Variants in TENM3 observed in about 807,000 individuals in gnomAD.
TENM3 encodes the protein teneurin transmembrane protein 3, also known as teneurin-3.
TENM3 carries 63 observed loss-of-function variants against 255.1 expected under a neutral mutation model. That is an observed-to-expected ratio of 0.25 (90% CI 0.20 to 0.30). The LOEUF is 0.30. Among genes scored for constraint, TENM3 ranks in the 10% least tolerant of loss-of-function variants. TENM3 has a pLI of 1.00. For synonymous variants in TENM3, 1,306 were observed against 1,322.3 expected (o/e 0.99, Z 0.27); for missense variants, 2,929 against 3,461.1 (o/e 0.85, Z 3.86).
chr4:182,775,188 G>A (rs1340850068), intron 24 of TENM3, 35 bp downstream of exon 24: 1 of 1,594,718 alleles, frequency 6.3e-7, no homozygotes, highest in African/African-American at 1.3e-5. Context: ...GATAGCTGCA[G>A]CCCTCTGATC....
At chr4:181,913,197 C>T in the TENM3 span, among the ~76,000 whole-genome samples, 15 of 152,080 alleles carry the variant, frequency 9.9e-5, no homozygotes, top group Non-Finnish European at 1.9e-4. Flanking sequence ...GCCATGTGCA[C>T]TAACGCAGAA....
chr4:182,681,598 G>C (rs889508625), intron 10 of TENM3, among the ~76,000 whole-genome samples: 1 of 152,152 alleles, frequency 6.6e-6, no homozygotes, highest in Non-Finnish European at 1.5e-5. Flanking sequence ...ACAAATCCTT[G>C]CAAGAGTCTC....
the TENM3 span, among the ~76,000 whole-genome samples, chr4:181,773,744 T>C: frequency 4.6e-5 from 7 of 152,192 alleles, no homozygotes; most frequent in Non-Finnish European, 8.8e-5. Flanking sequence ...ATTTTTATTC[T>C]ATTAGGTTGT....
chr4:181,673,457 G>T, the TENM3 span, among the ~76,000 whole-genome samples: 3 of 152,038 alleles, frequency 2.0e-5, no homozygotes, highest in East Asian at 1.9e-4. Context: ...TTGGTGATAA[G>T]AATTATAATA....
intron 1 of TENM3, among the ~76,000 whole-genome samples, chr4:182,194,137 T>A (rs1446506211): frequency 6.6e-6 from 1 of 152,254 alleles, no homozygotes; most frequent in Non-Finnish European, 1.5e-5. Context: ...ATTCTACTTT[T>A]GCCCTGGTGT....
the TENM3 span, among the ~76,000 whole-genome samples, chr4:181,452,660 G>A: frequency 6.6e-6 from 1 of 152,152 alleles, no homozygotes; most frequent in Non-Finnish European, 1.5e-5. Context: ...TCTCAGGTAT[G>A]TCTTTATTAG....
At chr4:182,619,033 G>T (rs1749823417) in intron 4 of TENM3, among the ~76,000 whole-genome samples, 1 of 152,090 alleles carries the variant, frequency 6.6e-6, no homozygotes, top group African/African-American at 2.4e-5. Context: ...TTACTCAACA[G>T]TGACCTAGAA....
intron 3 of TENM3, among the ~76,000 whole-genome samples, chr4:182,586,569 T>C (rs1746038462): frequency 6.6e-6 from 1 of 152,198 alleles, no homozygotes; most frequent in African/African-American, 2.4e-5. Flanking sequence ...TATGGTAGCT[T>C]CATCTATGAT....
chr4:182,747,583 T>C (rs181138458), intron 19 of TENM3, among the ~76,000 whole-genome samples: 8 of 152,338 alleles, frequency 5.3e-5, no homozygotes, highest in African/African-American at 1.7e-4. Context: ...ACCTCATCCT[T>C]GTTCCAATTC....
chr4:181,538,171 G>GTTA, the TENM3 span, among the ~76,000 whole-genome samples: 1 of 151,094 alleles, frequency 6.6e-6, no homozygotes, highest in African/African-American at 2.5e-5. Context: ...TATTTCAAAT[G>GTTA]TTAAAAATGC....
At chr4:181,474,983 A>C in the TENM3 span, among the ~76,000 whole-genome samples, 2 of 152,180 alleles carry the variant, frequency 1.3e-5, no homozygotes, top group Non-Finnish European at 2.9e-5. Context: ...CTGTGCAATA[A>C]ATATCTTAAA....
the TENM3 span, chr4:181,523,102 T>G: frequency 2.1e-6 from 1 of 480,834 alleles, no homozygotes; most frequent in Non-Finnish European, 4.0e-6. Flanking sequence ...AAGGTCACTA[T>G]TTTGTTAGTT....
At chr4:181,776,563 C>T in the TENM3 span, among the ~76,000 whole-genome samples, 3 of 152,082 alleles carry the variant, frequency 2.0e-5, no homozygotes, top group Non-Finnish European at 4.4e-5. Flanking sequence ...CTTTTCTCTG[C>T]ATCCATCCTT....
At chr4:182,107,467 G>A in the TENM3 span, among the ~76,000 whole-genome samples, 5 of 152,164 alleles carry the variant, frequency 3.3e-5, no homozygotes, top group African/African-American at 1.2e-4. Flanking sequence ...CTTTTCTCAG[G>A]ATGTTGCATT....
At chr4:181,765,130 A>G in the TENM3 span, among the ~76,000 whole-genome samples, 4 of 152,374 alleles carry the variant, frequency 2.6e-5, no homozygotes, top group Middle Eastern at 3.4e-3. Context: ...TATTTGATTC[A>G]GAAAGATGTA....
chr4:181,997,871 G>T, the TENM3 span, among the ~76,000 whole-genome samples: 31,258 of 152,034 alleles, frequency 0.21, 3,349 homozygotes, highest in Admixed American at 0.25. Context: ...CCTTTATTGC[G>T]GCAAGAACAG....
At chr4:182,283,643 A>G (rs1417828640) in intron 1 of TENM3, among the ~76,000 whole-genome samples, 1 of 152,218 alleles carries the variant, frequency 6.6e-6, no homozygotes, top group Non-Finnish European at 1.5e-5. Flanking sequence ...TGCATGAGCC[A>G]ATTTGAGTTC....
At chr4:182,667,911 C>T (rs1321391313) in intron 6 of TENM3, among the ~76,000 whole-genome samples, 1 of 147,854 alleles carries the variant, frequency 6.8e-6, no homozygotes, top group Non-Finnish European at 1.5e-5. Flanking sequence ...AACAAACCTG[C>T]ACGTTTTGCA....
At chr4:182,215,067 G>C (rs1755362905) in intron 1 of TENM3, among the ~76,000 whole-genome samples, 1 of 152,198 alleles carries the variant, frequency 6.6e-6, no homozygotes, top group Non-Finnish European at 1.5e-5. Flanking sequence ...AAACTCAACA[G>C]TAAAAGAACA....
Sources: allele counts gnomAD v4.1 joint callset (sites outside exome capture counted in the v4.1 genomes callset), GRCh38; gene constraint gnomAD v4.1.1; transcripts MANE v1.5; gene names NCBI Gene and HGNC (gene_info 2026-07-23, HGNC 2026-07-21).